The following CTXND2 variants were observed in gnomAD, a reference collection of about 807,000 sequenced individuals.
CTXND2 encodes the protein cortexin domain containing 2.
intron 1 of CTXND2, among the ~76,000 whole-genome samples, chr1:150,890,786 AGCCAC>A: frequency 6.6e-6 from 1 of 152,196 alleles, no homozygotes; most frequent in Admixed American, 6.5e-5. Flanking sequence ...TACAGACGAG[AGCCAC>A]CGCGCCTGGC....
chr1:150,912,406 T>C (rs1160298155), exon 2 of CTXND2: 1 of 398,626 alleles, frequency 2.5e-6, no homozygotes, highest in Non-Finnish European at 4.4e-6. Context: ...CTAATAGTGA[T>C]GATTTTTCGG....
At chr1:150,892,195 G>A (rs938612862) in intron 1 of CTXND2, among the ~76,000 whole-genome samples, 3 of 152,128 alleles carry the variant, frequency 2.0e-5, no homozygotes, top group African/African-American at 7.2e-5. Flanking sequence ...GAGAAAATAT[G>A]TGCCTGAAGT....
intron 1 of CTXND2, among the ~76,000 whole-genome samples, chr1:150,907,335 TC>T (rs1558002320): frequency 6.6e-6 from 1 of 152,112 alleles, no homozygotes; most frequent in Non-Finnish European, 1.5e-5. Flanking sequence ...CACCCCCTCA[TC>T]CCCCACCTCC....
intron 1 of CTXND2, among the ~76,000 whole-genome samples, chr1:150,905,623 TC>T (rs61678849): frequency 0.15 from 23,078 of 152,060 alleles, 2,103 homozygotes; most frequent in Non-Finnish European, 0.21. Flanking sequence ...CAGAACCTCT[TC>T]CAAATCTCAT....
intron 1 of CTXND2, chr1:150,903,889 A>G: frequency 1.6e-6 from 1 of 614,322 alleles, no homozygotes; most frequent in East Asian, 3.6e-5. Context: ...GAAAAAGAGA[A>G]TTAAATATGG....
intron 1 of CTXND2, among the ~76,000 whole-genome samples, chr1:150,910,521 C>A (rs1669236340): frequency 6.6e-6 from 1 of 152,120 alleles, no homozygotes; most frequent in South Asian, 2.1e-4. Context: ...TTGCATGTGG[C>A]TATCCAGTTG....
At chr1:150,912,394 T>C (rs775212259) in exon 2 of CTXND2, 6 of 398,422 alleles carry the variant, frequency 1.5e-5, no homozygotes, top group Non-Finnish European at 2.2e-5. Flanking sequence ...CTGTTTCTGT[T>C]CCTAATAGTG....
At chr1:150,908,896 A>C (rs911631414) in intron 1 of CTXND2, among the ~76,000 whole-genome samples, 5 of 151,704 alleles carry the variant, frequency 3.3e-5, no homozygotes, top group Non-Finnish European at 5.9e-5. Context: ...AGTGCTGGTC[A>C]GGCATAAGCC....
At chr1:150,904,256 G>A in intron 1 of CTXND2, 1 of 530,074 alleles carries the variant, frequency 1.9e-6, no homozygotes, top group Non-Finnish European at 3.6e-6. Flanking sequence ...AATGTCTCAT[G>A]AATTTTTCAT....
At chr1:150,899,697 C>T (rs1668966655) in intron 1 of CTXND2, among the ~76,000 whole-genome samples, 2 of 152,176 alleles carry the variant, frequency 1.3e-5, no homozygotes, top group South Asian at 4.1e-4. Context: ...GTGGCTCATG[C>T]CTGTAATCCC....
chr1:150,900,257 G>A (rs923638624), intron 1 of CTXND2, among the ~76,000 whole-genome samples: 12 of 151,900 alleles, frequency 7.9e-5, no homozygotes, highest in Non-Finnish European at 1.5e-5. Flanking sequence ...AACCCACCGA[G>A]AGGAACGAAC....
rs775260783 is a variant in CTXND2 at position 150,907,243 on chromosome 1, C to G, written c.-73-4999C>G. On this transcript the variant is annotated intron_variant, in intron 1 of 1. Transcript: ENST00000636087. The stretch of plus-strand genomic sequence containing the variant: ...ATGTACAATTGAATGGTTTTTAGCA[C>G]ATTCACAGAAATGTTTTACCATTAC... Among the ~76,000 whole-genome samples the G allele has an allele frequency of 3.9e-5, 6 of 152,284 alleles. No individual in the cohort carries two copies. In the East Asian group the frequency reaches 1.2e-3, roughly 29 times the overall value.
chr1:150,902,853 G>A (rs587678612), intron 1 of CTXND2, among the ~76,000 whole-genome samples: 68 of 152,040 alleles, frequency 4.5e-4, no homozygotes, highest in Non-Finnish European at 7.9e-4. Context: ...GTCACCTTTG[G>A]TATTTTCCCT....
At chr1:150,891,454 C>A (rs957779752) in intron 1 of CTXND2, among the ~76,000 whole-genome samples, 8 of 152,208 alleles carry the variant, frequency 5.3e-5, no homozygotes, top group Non-Finnish European at 1.2e-4. Context: ...ACCTCGTGAT[C>A]TGCCTGCCTC....
chr1:150,910,806 AT>A (rs1353271032), intron 1 of CTXND2, among the ~76,000 whole-genome samples: 4 of 140,956 alleles, frequency 2.8e-5, no homozygotes, highest in African/African-American at 5.3e-5. Context: ...TAATTTTTGT[AT>A]TTTTTTTTAT....
chr1:150,904,269 G>A lies in CTXND2; in HGVS notation c.-73-7973G>A, dbSNP rs587689208. The A allele has an allele frequency of 4.7e-4, 236 of 497,830 alleles. 1 individual carries two copies. Among genetic ancestry groups the A allele is most frequent in the Non-Finnish European group, 8.3e-4 (212 of 256,658 alleles). 30.8% of individuals were successfully genotyped at this position (497,830 alleles called of 1,614,324 possible). A position where few individuals can be genotyped will look rare whatever the true frequency, so the allele number is the denominator to read the frequency against. Reference sequence around the variant, plus strand: ...CAAATGTCTCATGAATTTTTCATGTGTACCATACTTTAACAGAGCTTATAC... The same window carrying A: ...CAAATGTCTCATGAATTTTTCATGTATACCATACTTTAACAGAGCTTATAC... On this transcript the variant is annotated intron_variant, in intron 1 of 1. Transcript: ENST00000636087.
intron 1 of CTXND2, among the ~76,000 whole-genome samples, chr1:150,898,153 G>GTTTT (rs34573516): frequency 6.8e-6 from 1 of 147,862 alleles, no homozygotes; most frequent in African/African-American, 2.5e-5. Flanking sequence ...TAGATGTGGG[G>GTTTT]TTTTTTTTTT....
At chr1:150,912,509 C>A (rs587653228) in exon 2 of CTXND2, 1 of 398,554 alleles carries the variant, frequency 2.5e-6, no homozygotes, top group African/African-American at 2.1e-5. Context: ...GTAGACTCCC[C>A]CAAGCAAGAG....
chr1:150,890,694 G>A (rs991745184), intron 1 of CTXND2, among the ~76,000 whole-genome samples: 5 of 151,838 alleles, frequency 3.3e-5, no homozygotes, highest in Admixed American at 2.6e-4. Flanking sequence ...GTAGAGACGG[G>A]GTTTCTCCAT....
Sources: gnomAD v4.1 joint callset for allele counts (sites outside exome capture counted in the v4.1 genomes callset) on GRCh38, gnomAD v4.1.1 for gene constraint, MANE v1.5 for transcripts, NCBI Gene and HGNC (gene_info 2026-07-23, HGNC 2026-07-21) for gene names.